The following IFT81 variants were observed in gnomAD, a reference collection of about 807,000 sequenced individuals.
IFT81 encodes the protein intraflagellar transport protein 81 homolog.
IFT81 carries 72 observed loss-of-function variants against 102.6 expected under a neutral mutation model. The ratio of observed to expected loss-of-function variants is 0.70; its 90% CI spans 0.58 to 0.85. The LOEUF is 0.85. Among genes scored for constraint, IFT81 ranks in the 40% least tolerant of loss-of-function variants. The pLI, the probability that IFT81 is intolerant of heterozygous loss-of-function variation, is 0.00. For missense variants in IFT81, 723 were observed against 787.3 expected (o/e 0.92, Z 0.98); for synonymous variants, 237 against 242.7 (o/e 0.98, Z 0.22).
chr12:110,126,436 G>A (rs1332145695), intron 1 of IFT81, among the ~76,000 whole-genome samples: 5 of 152,068 alleles, frequency 3.3e-5, no homozygotes, highest in Non-Finnish European at 7.4e-5. Context: ...TGGTGGGCAT[G>A]GCTTGAAAGA....
chr12:110,213,507 G>A (rs1869726232), intron 18 of IFT81, among the ~76,000 whole-genome samples: 1 of 152,186 alleles, frequency 6.6e-6, no homozygotes, highest in Admixed American at 6.5e-5. Flanking sequence ...TTCTTATGAT[G>A]TAGACAGCCA....
At chr12:110,139,691 A>G (rs561056505) in intron 8 of IFT81, among the ~76,000 whole-genome samples, 160 of 148,944 alleles carry the variant, frequency 1.1e-3, no homozygotes, top group African/African-American at 3.8e-3. Flanking sequence ...GGAGAATGGC[A>G]TGAACCCGGG....
At chr12:110,192,250 T>C (rs1290284521) in intron 13 of IFT81, among the ~76,000 whole-genome samples, 3 of 152,154 alleles carry the variant, frequency 2.0e-5, no homozygotes, top group African/African-American at 7.2e-5. Flanking sequence ...ATTTGGACTA[T>C]ACTGTAGTAT....
chr12:110,132,443 G>C (rs1894221829), intron 4 of IFT81, 104 bp from the exon 5 acceptor site: 1 of 494,922 alleles, frequency 2.0e-6, no homozygotes. Flanking sequence ...CTGGGCGACA[G>C]AGCAAGAGTC....
intron 11 of IFT81, among the ~76,000 whole-genome samples, chr12:110,164,874 A>G (rs972286615): frequency 2.6e-5 from 4 of 152,338 alleles, no homozygotes; most frequent in African/African-American, 9.6e-5. Context: ...ACAAGAGACT[A>G]TGCCACCTCC....
intron 1 of IFT81, among the ~76,000 whole-genome samples, chr12:110,126,637 G>T (rs1893859412): frequency 6.6e-6 from 1 of 152,234 alleles, no homozygotes; most frequent in African/African-American, 2.4e-5. Flanking sequence ...AGTTGTGCCA[G>T]ATCATAAAGA....
At chr12:110,179,773 T>TATATATACACACAC (rs774113734) in intron 11 of IFT81, among the ~76,000 whole-genome samples, 1 of 50,484 alleles carries the variant, frequency 2.0e-5, no homozygotes, top group Non-Finnish European at 4.1e-5. Flanking sequence ...TATATATATA[T>TATATATACACACAC]ACACACACAC....
intron 14 of IFT81, among the ~76,000 whole-genome samples, chr12:110,202,098 A>G (rs984238956): frequency 3.3e-5 from 5 of 152,348 alleles, no homozygotes; most frequent in African/African-American, 9.6e-5. Context: ...CTATACTTCT[A>G]TACAACTGAC....
chr12:110,139,828 A>T, intron 8 of IFT81, among the ~76,000 whole-genome samples: 1 of 133,010 alleles, frequency 7.5e-6, no homozygotes, highest in South Asian at 2.2e-4. Flanking sequence ...TAAATAAAAT[A>T]AAATAAAATA....
intron 9 of IFT81, 70 bp downstream of exon 9, chr12:110,143,615 T>C (rs946274526): frequency 4.5e-5 from 57 of 1,273,742 alleles, no homozygotes; most frequent in Non-Finnish European, 3.3e-5. Context: ...TTATGTGAAC[T>C]GCTTTCTGTA....
intron 14 of IFT81, chr12:110,203,345 G>A: frequency 6.5e-6 from 1 of 155,026 alleles, no homozygotes; most frequent in Non-Finnish European, 1.4e-5. Context: ...CTTGTTCTCT[G>A]TAGCTTTCAA....
intron 12 of IFT81, among the ~76,000 whole-genome samples, chr12:110,181,090 A>G (rs1209225328): frequency 6.7e-6 from 1 of 150,040 alleles, no homozygotes; most frequent in Non-Finnish European, 1.5e-5. Flanking sequence ...GGTTTCCTTC[A>G]TTTGGCTTTT....
intron 11 of IFT81, among the ~76,000 whole-genome samples, chr12:110,164,616 AC>A (rs1896334157): frequency 6.6e-6 from 1 of 152,116 alleles, no homozygotes; most frequent in Admixed American, 6.6e-5. Context: ...CTCCCATAGT[AC>A]CACTTTTCTC....
intron 10 of IFT81, among the ~76,000 whole-genome samples, chr12:110,162,100 A>G (rs913967914): frequency 6.6e-6 from 1 of 152,162 alleles, no homozygotes; most frequent in South Asian, 2.1e-4. Context: ...TTTATTTATT[A>G]GAATGGCCCA....
intron 14 of IFT81, among the ~76,000 whole-genome samples, chr12:110,195,368 C>A (rs1361416360): frequency 2.0e-5 from 3 of 152,120 alleles, no homozygotes; most frequent in Non-Finnish European, 4.4e-5. Context: ...TCCCTTCCTT[C>A]CCTCTCCTCT....
chr12:110,135,072 T>A, intron 6 of IFT81, 59 bp downstream of exon 6: 1 of 1,258,710 alleles, frequency 7.9e-7, no homozygotes. Flanking sequence ...TTGCAAAGAT[T>A]TAGGAATGCA....
chr12:110,153,886 G>C (rs1290530444), intron 10 of IFT81, among the ~76,000 whole-genome samples: 1 of 149,342 alleles, frequency 6.7e-6, no homozygotes, highest in African/African-American at 2.5e-5. Context: ...CAAAGTGCTG[G>C]GATTACAGGC....
chr12:110,147,249 A>C (rs1189654329), intron 10 of IFT81, among the ~76,000 whole-genome samples: 1 of 152,230 alleles, frequency 6.6e-6, no homozygotes, highest in Non-Finnish European at 1.5e-5. Flanking sequence ...GATACCCCTA[A>C]TAATGCTTAG....
chr12:110,158,151 A>G (rs1895945357), intron 10 of IFT81, among the ~76,000 whole-genome samples: 1 of 151,678 alleles, frequency 6.6e-6, no homozygotes, highest in African/African-American at 2.4e-5. Flanking sequence ...ACTCACTGCA[A>G]CCTCCACCTC....
Sources: gnomAD v4.1 joint callset for allele counts (sites outside exome capture counted in the v4.1 genomes callset) on GRCh38, gnomAD v4.1.1 for gene constraint, MANE v1.5 for transcripts, NCBI Gene and HGNC (gene_info 2026-07-23, HGNC 2026-07-21) for gene names.